CBARP: variants seen among roughly 807,000 people sequenced by gnomAD.
CBARP encodes voltage-dependent calcium channel beta subunit-associated regulatory protein.
A neutral mutation model predicts 36.3 loss-of-function variants in CBARP; 24 were observed. That is an observed-to-expected ratio of 0.66 (90% CI 0.48 to 0.93). CBARP has a LOEUF of 0.93. Ranked by LOEUF, CBARP falls within the 40% of genes least tolerant of loss-of-function variation. CBARP has a pLI of 0.00. For synonymous variants in CBARP, 586 were observed against 453.2 expected (o/e 1.29, Z -3.72); for missense variants, 1,146 against 980.4 (o/e 1.17, Z -2.26).
chr19:1,232,216 T>C (rs953991012), intron 8 of CBARP, among the ~76,000 whole-genome samples: 3 of 152,082 alleles, frequency 2.0e-5, no homozygotes, highest in African/African-American at 7.2e-5. Flanking sequence ...TAGTCACCCC[T>C]GGGCCCCATT....
Position 1,228,874 on chromosome 19 carries a change from G to A in CBARP, c.*305C>T, listed in dbSNP as rs1446417599. 4 of 147,786 alleles carry A rather than the reference G, an allele frequency of 2.7e-5. No homozygotes were observed. The highest frequency in any genetic ancestry group is 9.7e-5 in the African/African-American group (4 of 41,068). The allele number at this position is 147,786 out of a possible 1,614,324, so 9.2% of individuals were successfully genotyped here. ...TGATCGTTGTCCTCAGGAGCCCGAA[G>A]CTGAGAGCCGTTCACGCCCCTTCCT... is the stretch of plus-strand genomic sequence containing the variant. On this transcript the variant is annotated 3_prime_UTR_variant, in exon 10 of 10. Transcript: ENST00000650044.
At chr19:1,233,395 G>T in intron 8 of CBARP, 31 bp downstream of exon 8, 3 of 1,540,594 alleles carry the variant, frequency 1.9e-6, no homozygotes, top group South Asian at 1.2e-5. Context: ...AGCCCACAGG[G>T]GCCCACTCTC....
Position 1,231,142 on chromosome 19 carries a change from G to T in CBARP, c.1113C>A (p.His371Gln). The T allele has an allele frequency of 1.2e-6, 2 of 1,601,298 alleles. No individual in the cohort carries two copies. The highest frequency in any genetic ancestry group is 2.2e-5 in the South Asian group (2 of 90,550). ...ARAGDAVAFPHPRPFLASPPP... is the reference protein window; with the variant it reads ...ARAGDAVAFPQPRPFLASPPP... ...GCGGGCTGGCCAGAAAGGGGCGGGGGTGCGGGAAGGCCACGGCGTCGCCCG... is the reference window on the plus strand; with the variant it reads ...GCGGGCTGGCCAGAAAGGGGCGGGGTTGCGGGAAGGCCACGGCGTCGCCCG... The change falls in exon 9 of 10, where the codon CAC becomes CAA. Residue 371 changes from histidine (H) to glutamine (Q), a missense_variant. Physicochemically the swap from His to Gln is conservative, Grantham distance 24. Coordinates refer to ENST00000650044, the MANE Select transcript of CBARP (RefSeq NM_001393918.1).
At chr19:1,233,746 G>T (rs2080924680) in intron 7 of CBARP, 110 bp from the exon 8 acceptor site, 4 of 1,052,900 alleles carry the variant, frequency 3.8e-6, no homozygotes, top group Non-Finnish European at 5.4e-6. Flanking sequence ...CCCATCACTG[G>T]GACAGAGAGG....
chr19:1,236,056 G>T lies in CBARP; in HGVS notation c.45C>A (p.Thr15=). 1 of 1,519,536 alleles carries T rather than the reference G, an allele frequency of 6.6e-7. No homozygotes were observed. Among genetic ancestry groups the T allele is most frequent in the Non-Finnish European group, 8.8e-7 (1 of 1,137,096 alleles). 94.1% of individuals were successfully genotyped at this position (1,519,536 alleles called of 1,614,324 possible). The change falls in exon 2 of 10, where the codon ACC becomes ACA. Residue 15 remains threonine, a synonymous_variant. Transcript: ENST00000650044. ...ATMATAATTT[T]TTTATVALTT... ...TCAGGGCTACTGTGGCAGTGGTGGT[G>T]GTGGTGGTGGTGGCGGCTGTGGCCA...
rs746267151 is a variant in CBARP, at chr19:1,236,008, A to G, written c.93T>C (p.Thr31=). The G allele has an allele frequency of 1.2e-4, 182 of 1,551,964 alleles. No homozygotes were observed. In the East Asian group the frequency reaches 4.1e-3, roughly 35 times the overall value. The change falls in exon 2 of 10, where the codon ACT becomes ACC. Residue 31 remains threonine (T), a synonymous_variant. Transcript: ENST00000650044. ...CCCCTGCACCCACCGTGGGGCGTCC[A>G]GTGGCATTGTCCCACGACGTCGTCA... ...VALTTSWDNA[T]GRPTAEPDPI...
intron 7 of CBARP, 139 bp from the exon 8 acceptor site, chr19:1,233,775 G>T: frequency 1.2e-6 from 1 of 850,226 alleles, no homozygotes; most frequent in Non-Finnish European, 1.8e-6. Context: ...CTCGGAGAGG[G>T]GCAGAAGCGG....
At chr19:1,234,138 G>A in intron 7 of CBARP, 53 bp downstream of exon 7, 4 of 1,438,126 alleles carry the variant, frequency 2.8e-6, no homozygotes, top group Non-Finnish European at 3.7e-6. Flanking sequence ...GACAGGGAGG[G>A]GAAGGAGCCT....
intron 9 of CBARP, 66 bp downstream of exon 9, chr19:1,231,035 G>A: frequency 6.5e-7 from 1 of 1,548,616 alleles, no homozygotes; most frequent in East Asian, 2.3e-5. Flanking sequence ...GGGCCGCCTA[G>A]GGGGGGGCGA....
At chr19:1,236,246 T>A in intron 1 of CBARP, 125 bp from the exon 2 acceptor site, 1 of 1,276,618 alleles carries the variant, frequency 7.8e-7, no homozygotes, top group Non-Finnish European at 1.0e-6. Flanking sequence ...CATGGAGAGG[T>A]AGCAGAGCCG....
At position 1,233,634 on chromosome 19, in the gene CBARP, C is replaced by T. The variant is rs1198130198; in HGVS notation, c.771G>A (p.Leu257=). Residue 257 remains leucine (L), a splice_region_variant and synonymous_variant, in exon 8 of 10, where the codon TTG becomes TTA. Coordinates refer to ENST00000650044, the MANE Select transcript of CBARP (RefSeq NM_001393918.1). The part of the protein sequence containing the change: ...ASSDSGEGTS[L]DAGTRSTKAG... ...CCTTGGTGCTCCTGGTACCGGCATC[C>T]AACTGGCAGGGAACAGAGATGGCGC... 1 of 1,607,426 alleles carries T rather than the reference C, an allele frequency of 6.2e-7. No individual in the cohort carries two copies. The highest frequency in any genetic ancestry group is 1.7e-5 in the Admixed American group (1 of 59,638).
Position 1,230,114 on chromosome 19 carries a change from C to A in CBARP, c.1183G>T (p.Ala395Ser). 1 of 1,056,218 alleles carries A rather than the reference C, an allele frequency of 9.5e-7. No homozygotes were observed. The highest frequency in any genetic ancestry group is 1.1e-6 in the Non-Finnish European group (1 of 870,860). 65.4% of individuals were successfully genotyped at this position (1,056,218 alleles called of 1,614,324 possible). ...RLEAAEAAGG[A>S]SPDSPPERGA... ...CGCTCCGGGGGGGAATCGGGGCTCGCTCCTCCCGCTGCCTCGGCCGCCTCT... is the reference window on the plus strand; with the variant it reads ...CGCTCCGGGGGGGAATCGGGGCTCGATCCTCCCGCTGCCTCGGCCGCCTCT... The change falls in exon 10 of 10, where the codon GCG becomes TCG. Residue 395 changes from alanine (A) to serine (S), a missense_variant. Ala to Ser is a moderately conservative substitution (Grantham distance 99). Coordinates refer to ENST00000650044, the MANE Select transcript of CBARP (RefSeq NM_001393918.1).
chr19:1,231,042 G>A (rs766926207), intron 9 of CBARP, 59 bp downstream of exon 9: 14 of 1,557,690 alleles, frequency 9.0e-6, no homozygotes, highest in South Asian at 2.4e-5. Flanking sequence ...CTAGGGGGGG[G>A]CGAAGGGGGG....
Position 1,235,721 on chromosome 19 carries a change from C to G in CBARP, c.245+58G>C, listed in dbSNP as rs962781887. 78 of 1,603,974 alleles carry G rather than the reference C, an allele frequency of 4.9e-5. 1 individual carries two copies. In the South Asian group the frequency reaches 8.2e-4, roughly 17 times the overall value. On this transcript the variant is annotated intron_variant, in intron 3 of 9. Coordinates refer to ENST00000650044, the MANE Select transcript of CBARP (RefSeq NM_001393918.1). ...GAAGCCAGTGAGGTAGACCCCCCAC[C>G]ACCCGATGGCACCCACAACCACCAT...
In CBARP at chr19:1,229,489, G is replaced by T; in HGVS notation, c.1808C>A (p.Ala603Glu). 1 of 979,104 alleles carries T rather than the reference G, an allele frequency of 1.0e-6. No individual in the cohort carries two copies. Among genetic ancestry groups the T allele is most frequent in the Non-Finnish European group, 1.2e-6 (1 of 827,676 alleles). 60.7% of individuals were successfully genotyped at this position (979,104 alleles called of 1,614,324 possible). Reference protein sequence around the residue: ...RAAPALAGTPAPPAGAARPAR... With the variant: ...RAAPALAGTPEPPAGAARPAR... ...GGGTCGGGCCGCGCCGGCAGGCGGT[G>T]CCGGGGTTCCGGCCAGGGCCGGGGC... The change falls in exon 10 of 10, where the codon GCA (alanine) becomes GAA (glutamate). Residue 603 changes from alanine to glutamate, a missense_variant. Transcript: ENST00000650044. The surrounding 1 kb of genome is among the most constrained non-coding windows in gnomAD (Gnocchi z 5.1).
At chr19:1,234,405 G>C in intron 6 of CBARP, 74 bp from the exon 7 acceptor site, 2 of 1,435,272 alleles carry the variant, frequency 1.4e-6, no homozygotes, top group Non-Finnish European at 9.1e-7. Context: ...GACATGGGCA[G>C]GTGAGGAGCA....
rs1411657877 is a variant in CBARP, at chr19:1,229,256, G to A, written c.2041C>T (p.Arg681Cys). ...GTCGCCACGACGGGCTCGGCGAGGC[G>A]CGGCGGAAAGAGTCTCTCGTCGAGG... Reference protein sequence around the residue: ...AGLDERLFPPRLAEPVVATPA... With the variant: ...AGLDERLFPPCLAEPVVATPA... The change falls in exon 10 of 10, where the codon CGC (arginine) becomes TGC (cysteine). Residue 681 changes from arginine to cysteine, a missense_variant. Coordinates refer to ENST00000650044, the MANE Select transcript of CBARP (RefSeq NM_001393918.1). This position sits in a 1 kb window ranked among gnomAD's most constrained non-coding sequence, Gnocchi z 5.1. 8 of 1,245,242 alleles carry A rather than the reference G, an allele frequency of 6.4e-6. No individual in the cohort carries two copies. Among genetic ancestry groups the A allele is most frequent in the South Asian group, 2.6e-5 (2 of 76,640 alleles). The allele number at this position is 1,245,242 out of a possible 1,614,324, so 77.1% of individuals were successfully genotyped here.
chr19:1,236,257 G>A (rs1281589581), intron 1 of CBARP, 136 bp from the exon 2 acceptor site: 2 of 1,243,964 alleles, frequency 1.6e-6, no homozygotes, highest in African/African-American at 3.1e-5. Context: ...AGCAGAGCCG[G>A]AGGCAGCCTC....
intron 4 of CBARP, 47 bp downstream of exon 4, chr19:1,235,439 CGGCGGGTGGCCGAGG>C (rs1446781159): frequency 1.4e-6 from 2 of 1,480,560 alleles, no homozygotes; most frequent in Non-Finnish European, 1.8e-6. Context: ...CCCGAGGGGG[CGGCGGGTGGCCGAGG>C]GGCGGATGGA....
Sources: allele counts gnomAD v4.1 joint callset (sites outside exome capture counted in the v4.1 genomes callset), GRCh38; gene constraint gnomAD v4.1.1; non-coding constraint Gnocchi (gnomAD v3.1); transcripts MANE v1.5; gene names NCBI Gene and HGNC (gene_info 2026-07-23, HGNC 2026-07-21).